Variants in MCTP1 observed in about 807,000 individuals in gnomAD.
The protein encoded by MCTP1 is multiple C2 and transmembrane domain-containing protein 1.
MCTP1 carries 69 observed loss-of-function variants against 120.6 expected under a neutral mutation model. That is an observed-to-expected ratio of 0.57 (90% confidence interval 0.47 to 0.70). MCTP1 has a LOEUF of 0.70. MCTP1 is among the 30% of genes least tolerant of loss of function. MCTP1 has a pLI of 0.00. For missense variants in MCTP1, 1,203 were observed against 1,248.8 expected, an observed-to-expected ratio of 0.96 and a Z score of 0.55; for synonymous variants, 529 against 493.1, an observed-to-expected ratio of 1.07 and a Z score of -0.96.
At chr5:95,089,738 G>C (rs1755704446) in intron 1 of MCTP1, among the ~76,000 whole-genome samples, 1 of 152,090 alleles carries the variant, frequency 6.6e-6, no homozygotes, top group Non-Finnish European at 1.5e-5. Flanking sequence ...TGTAGTTCAT[G>C]AACTCTTTCC....
At chr5:94,987,743 C>A (rs1830680425) in intron 2 of MCTP1, among the ~76,000 whole-genome samples, 1 of 152,148 alleles carries the variant, frequency 6.6e-6, no homozygotes, top group African/African-American at 2.4e-5. Context: ...AATATCTTCA[C>A]TTCATCACTT....
chr5:94,880,134 T>C (rs27571), intron 12 of MCTP1, among the ~76,000 whole-genome samples: 1 of 152,308 alleles, frequency 6.6e-6, no homozygotes, highest in East Asian at 1.9e-4. Flanking sequence ...AGATAAATTA[T>C]GGTAAGAACA....
chr5:94,755,276 T>C (rs1044076517), intron 19 of MCTP1, among the ~76,000 whole-genome samples: 1 of 152,214 alleles, frequency 6.6e-6, no homozygotes, highest in African/African-American at 2.4e-5. Context: ...CCATCACTTC[T>C]GAGACCCTGA....
intron 17 of MCTP1, among the ~76,000 whole-genome samples, chr5:94,858,897 A>G (rs888754152): frequency 1.3e-5 from 2 of 151,678 alleles, no homozygotes; most frequent in Non-Finnish European, 3.0e-5. Context: ...CCAGGATTCC[A>G]CTGAATCTAC....
chr5:94,836,872 G>A (rs1789908709), intron 17 of MCTP1, among the ~76,000 whole-genome samples: 1 of 152,252 alleles, frequency 6.6e-6, no homozygotes, highest in African/African-American at 2.4e-5. Context: ...GGAAAGCAGA[G>A]AGGTTTTAAT....
At chr5:95,174,613 A>T (rs901785376) in intron 1 of MCTP1, among the ~76,000 whole-genome samples, 1 of 152,122 alleles carries the variant, frequency 6.6e-6, no homozygotes, top group African/African-American at 2.4e-5. Context: ...TAGGTGTGTG[A>T]CCTTTGGCAA....
intron 1 of MCTP1, among the ~76,000 whole-genome samples, chr5:95,071,945 A>G (rs1414795286): frequency 6.6e-6 from 1 of 152,232 alleles, no homozygotes; most frequent in Admixed American, 6.5e-5. Flanking sequence ...ATACATGTAA[A>G]AGTCCATCTA....
intron 9 of MCTP1, 147 bp downstream of exon 9, chr5:94,912,659 A>G (rs1809040148): frequency 1.7e-6 from 1 of 592,636 alleles, no homozygotes; most frequent in Non-Finnish European, 2.7e-6. Flanking sequence ...ATGCTATACA[A>G]TTATTGGTCT....
chr5:95,178,939 A>G lies in MCTP1; in HGVS notation c.720+104917T>C, dbSNP rs144498511. Among the ~76,000 whole-genome samples the G allele has an allele frequency of 6.2e-3, 938 of 152,294 alleles. 8 individuals are homozygous for G. The highest frequency in any genetic ancestry group is 0.02 in the African/African-American group (830 of 41,556). On this transcript the variant is annotated intron_variant, in intron 1 of 22. Transcript: ENST00000515393. ...AGAAATCAAAAACATGATACACGAT[A>G]TGAGAGGAAAAATCTTCAGTGAAAT...
At chr5:94,815,039 G>A (rs950825152) in intron 17 of MCTP1, among the ~76,000 whole-genome samples, 1 of 152,156 alleles carries the variant, frequency 6.6e-6, no homozygotes, top group Non-Finnish European at 1.5e-5. Context: ...AATACAGCAG[G>A]AATACATGTT....
intron 1 of MCTP1, among the ~76,000 whole-genome samples, chr5:95,085,282 T>G (rs1755341313): frequency 6.6e-6 from 1 of 152,138 alleles, no homozygotes; most frequent in Non-Finnish European, 1.5e-5. Context: ...ATAATACTTT[T>G]TATTAGATAT....
chr5:95,184,502 C>A (rs1284906701), intron 1 of MCTP1, among the ~76,000 whole-genome samples: 1 of 152,170 alleles, frequency 6.6e-6, no homozygotes, highest in Non-Finnish European at 1.5e-5. Flanking sequence ...TTAAGCTGTC[C>A]TTGTTCATTC....
At chr5:95,059,687 T>C (rs11750512) in intron 1 of MCTP1, among the ~76,000 whole-genome samples, 103,839 of 151,670 alleles carry the variant, frequency 0.68, 38,457 homozygotes, top group Non-Finnish European at 0.83. Context: ...AGAAACCTTA[T>C]CTTCCCAAGA....
intron 4 of MCTP1, 117 bp downstream of exon 4, chr5:94,942,231 G>T: frequency 1.5e-6 from 1 of 671,162 alleles, no homozygotes; most frequent in Non-Finnish European, 2.6e-6. Flanking sequence ...AGGCTGACTA[G>T]CAGGAAGGCT....
chr5:95,121,520 T>C (rs1758239915), intron 1 of MCTP1, among the ~76,000 whole-genome samples: 1 of 151,910 alleles, frequency 6.6e-6, no homozygotes, highest in Non-Finnish European at 1.5e-5. Context: ...AAGAGAAAGA[T>C]ATCCCATGTT....
intron 1 of MCTP1, among the ~76,000 whole-genome samples, chr5:95,106,534 A>G (rs1184508262): frequency 6.6e-6 from 1 of 152,224 alleles, no homozygotes; most frequent in East Asian, 1.9e-4. Context: ...GAGTCAACAA[A>G]TTCCTGTTTT....
intron 1 of MCTP1, among the ~76,000 whole-genome samples, chr5:95,212,680 T>G (rs1752532995): frequency 6.6e-6 from 1 of 151,572 alleles, no homozygotes; most frequent in South Asian, 2.1e-4. Flanking sequence ...CAAGTGGGCT[T>G]CATCCCTGGG....
At chr5:95,086,074 A>G (rs1404975540) in intron 1 of MCTP1, among the ~76,000 whole-genome samples, 1 of 151,814 alleles carries the variant, frequency 6.6e-6, no homozygotes, top group Non-Finnish European at 1.5e-5. Context: ...TTAAAAATTT[A>G]TTTTTTTCTG....
intron 20 of MCTP1, among the ~76,000 whole-genome samples, chr5:94,714,346 A>AATTTT (rs945532446): frequency 6.6e-6 from 1 of 152,190 alleles, no homozygotes; most frequent in Non-Finnish European, 1.5e-5. Flanking sequence ...AAATATGATT[A>AATTTT]ATTTTTTAAA....
Sources: gnomAD v4.1 joint callset for allele counts (sites outside exome capture counted in the v4.1 genomes callset) on GRCh38, gnomAD v4.1.1 for gene constraint, MANE v1.5 for transcripts, NCBI Gene and HGNC (gene_info 2026-07-23, HGNC 2026-07-21) for gene names.